The following HEXB variants were observed in gnomAD, a reference collection of about 807,000 sequenced individuals.
The protein encoded by HEXB is beta-hexosaminidase subunit beta.
HEXB carries 51 observed loss-of-function variants against 71.2 expected under a neutral mutation model. That is an observed-to-expected ratio of 0.72 (90% CI 0.57 to 0.90). The LOEUF is 0.90. Among genes scored for constraint, HEXB ranks in the 40% least tolerant of loss-of-function variants. The pLI is 0.00. For synonymous variants in HEXB, 266 were observed against 249.3 expected (o/e 1.07, Z -0.63); for missense variants, 617 against 677.0 (o/e 0.91, Z 0.98).
intron 5 of HEXB, among the ~76,000 whole-genome samples, chr5:74,701,464 A>G (rs933506828): frequency 1.3e-5 from 2 of 152,144 alleles, no homozygotes; most frequent in African/African-American, 4.8e-5. Flanking sequence ...TATTGCTTTC[A>G]ATGACAATTA....
intron 2 of HEXB, 175 bp downstream of exon 2, chr5:74,689,648 G>C (rs1199796147): frequency 1.1e-5 from 7 of 646,772 alleles, no homozygotes; most frequent in Non-Finnish European, 1.6e-5. Context: ...AGTCTTTGTG[G>C]AAAATTTATT....
chr5:74,705,404 T>C (rs1372904432), intron 6 of HEXB, 84 bp downstream of exon 6: 3 of 833,540 alleles, frequency 3.6e-6, no homozygotes, highest in Non-Finnish European at 4.2e-6. Flanking sequence ...TTTGTTCTTA[T>C]GGATAGAATC....
chr5:74,644,064 C>G (rs539975265), intron 1 of HEXB, among the ~76,000 whole-genome samples: 1 of 152,306 alleles, frequency 6.6e-6, no homozygotes, highest in South Asian at 2.1e-4. Context: ...GTGTCAAGTT[C>G]GTGTTGGGAA....
At chr5:74,655,466 C>T (rs1748201581) in intron 1 of HEXB, among the ~76,000 whole-genome samples, 1 of 150,724 alleles carries the variant, frequency 6.6e-6, no homozygotes, top group Admixed American at 6.7e-5. Context: ...GCCTGCACCA[C>T]AATGCCCAGC....
chr5:74,713,246 T>C (rs896511842), intron 6 of HEXB, among the ~76,000 whole-genome samples: 26 of 152,310 alleles, frequency 1.7e-4, no homozygotes, highest in Middle Eastern at 6.8e-3. Context: ...GGTAAACAAA[T>C]GATTTGACAA....
upstream of HEXB, among the ~76,000 whole-genome samples, chr5:74,681,373 A>G (rs533004808): frequency 5.3e-5 from 8 of 152,252 alleles, no homozygotes; most frequent in South Asian, 1.5e-3. Context: ...GCTCCCCAGA[A>G]CAAAAAACCA....
Position 74,720,314 on chromosome 5 carries a change from C to T in HEXB, c.1418-114C>T, listed in dbSNP as rs1251581882. 8.4e-6 allele frequency: 7 copies of T among 837,080 alleles called. No individual in the cohort carries two copies. In the African/African-American group the frequency reaches 1.0e-4, roughly 12 times the overall value. 51.9% of individuals were successfully genotyped at this position (837,080 alleles called of 1,614,324 possible). ...TAGCATCTCCCAAGGTCCTGCTAAC[C>T]ACGGGCAAGAAATGTTGCCCTAGGA... On this transcript the variant is annotated intron_variant, in intron 11 of 13. Coordinates refer to ENST00000261416, the MANE Select transcript of HEXB (RefSeq NM_000521.4).
At chr5:74,695,201 CTTTTTTTTTTTT>C (rs35812692) in intron 3 of HEXB, among the ~76,000 whole-genome samples, 26 of 114,458 alleles carry the variant, frequency 2.3e-4, no homozygotes, top group African/African-American at 7.1e-4. Context: ...AGAAGAGACG[CTTTTTTTTTTTT>C]TTTTTTTTGA....
rs1241127332 is a variant in HEXB, at chr5:74,644,762, TC to T, written c.-377+4206del. Among the ~76,000 whole-genome samples, 443 of 116,812 alleles carry T rather than the reference TC, an allele frequency of 3.8e-3. 22 individuals carry two copies. The highest frequency in any genetic ancestry group is 0.014 in the African/African-American group (417 of 28,940). 76.6% of individuals were successfully genotyped at this position (116,812 alleles called of 152,430 possible). On this transcript the variant is annotated intron_variant, in intron 1 of 13. Transcript: ENST00000511181. ...TTGAGAGTATTCTTCCTCTTTTTTT[TC>T]CTTTTTTTTTTTTTTTTTTTTTTTT...
At chr5:74,707,829 T>C (rs965957835) in intron 6 of HEXB, among the ~76,000 whole-genome samples, 2 of 3,770 alleles carry the variant, frequency 5.3e-4, no homozygotes, top group Non-Finnish European at 2.5e-3. Context: ...TACCTGAAAG[T>C]GAAAGTGACG....
At chr5:74,685,164 C>G, upstream of HEXB, 1 of 1,319,872 alleles carries the variant, frequency 7.6e-7, no homozygotes, top group Non-Finnish European at 9.9e-7. Flanking sequence ...GACTCGGTGA[C>G]TCACCCGCGG....
chr5:74,660,290 C>G (rs763316839), intron 1 of HEXB, among the ~76,000 whole-genome samples: 2 of 152,166 alleles, frequency 1.3e-5, no homozygotes, highest in Non-Finnish European at 2.9e-5. Flanking sequence ...GTTCCTGTTA[C>G]CAGGCAGTTG....
chr5:74,680,782 TTAGAC>T (rs1215628453), upstream of HEXB, among the ~76,000 whole-genome samples: 5 of 152,360 alleles, frequency 3.3e-5, no homozygotes, highest in Middle Eastern at 3.4e-3. Context: ...CAGATTCTGA[TTAGAC>T]TAGTAGGTTG....
Position 74,700,109 on chromosome 5 carries a change from C to T in HEXB, c.669+3003C>T, listed in dbSNP as rs111364716. ...GTAATCTCTGCCTCCTGGGTTCAAG[C>T]GATTCTTGGACCTCAGCCTCCTGAG... On this transcript the variant is annotated intron_variant, in intron 5 of 13. Coordinates refer to ENST00000261416, the MANE Select transcript of HEXB (RefSeq NM_000521.4). 2.7e-3 allele frequency among the ~76,000 whole-genome samples: 378 copies of T among 142,298 alleles called. 2 individuals carry two copies. The highest frequency in any genetic ancestry group is 9.3e-3 in the African/African-American group (355 of 38,270). 93.4% of individuals were successfully genotyped at this position (142,298 alleles called of 152,430 possible). A position where few individuals can be genotyped will look rare whatever the true frequency, so the allele number is the denominator to read the frequency against.
chr5:74,699,427 A>G (rs1467473463), intron 5 of HEXB, among the ~76,000 whole-genome samples: 1 of 151,882 alleles, frequency 6.6e-6, no homozygotes, highest in Non-Finnish European at 1.5e-5. Flanking sequence ...GGTGCCCACC[A>G]CCACACCTGG....
At chr5:74,677,677 C>T (rs1345064846) in intron 1 of HEXB, among the ~76,000 whole-genome samples, 1 of 151,876 alleles carries the variant, frequency 6.6e-6, no homozygotes, top group Non-Finnish European at 1.5e-5. Context: ...AAGAAACTAC[C>T]TCAAATTAAG....
intron 1 of HEXB, 47 bp downstream of exon 1, chr5:74,685,606 G>A (rs1748848337): frequency 6.7e-7 from 1 of 1,494,848 alleles, no homozygotes. Context: ...GGAGGGGAGA[G>A]GCGGACCACC....
chr5:74,707,237 T>C (rs1341085372), intron 6 of HEXB, among the ~76,000 whole-genome samples: 4 of 152,250 alleles, frequency 2.6e-5, no homozygotes, highest in Admixed American at 1.3e-4. Flanking sequence ...GGGTCCTGTC[T>C]GTTAGAAGGA....
chr5:74,714,084 C>G (rs1749617673), intron 7 of HEXB, among the ~76,000 whole-genome samples: 2 of 152,226 alleles, frequency 1.3e-5, no homozygotes. Flanking sequence ...ATCGGCCCGC[C>G]TCGGCCTCCC....
Sources: allele counts gnomAD v4.1 joint callset (sites outside exome capture counted in the v4.1 genomes callset), GRCh38; gene constraint gnomAD v4.1.1; transcripts MANE v1.5; gene names NCBI Gene and HGNC (gene_info 2026-07-23, HGNC 2026-07-21).